Variants in PPFIA3 observed in about 807,000 individuals in gnomAD.
The protein encoded by PPFIA3 is liprin-alpha-3.
A neutral mutation model predicts 145.8 loss-of-function variants in PPFIA3; 26 were observed. That is an observed-to-expected ratio of 0.18 (90% CI 0.13 to 0.25). The LOEUF (loss-of-function observed/expected upper bound fraction) is 0.25. Among genes scored for constraint, PPFIA3 ranks in the 10% least tolerant of loss-of-function variants. PPFIA3 has a pLI of 1.00. For missense variants in PPFIA3, 1,008 were observed against 1,587.8 expected (o/e 0.63, Z 6.21); for synonymous variants, 645 against 661.4 (o/e 0.98, Z 0.38).
chr19:49,143,989 A>G (rs2041253571), intron 21 of PPFIA3, among the ~76,000 whole-genome samples: 1 of 151,132 alleles, frequency 6.6e-6, no homozygotes. Flanking sequence ...AATTTTATAC[A>G]ATATTTTATT....
At chr19:49,150,036 G>A in intron 28 of PPFIA3, 44 bp from the exon 29 acceptor site, 2 of 1,577,842 alleles carry the variant, frequency 1.3e-6, no homozygotes, top group Non-Finnish European at 1.7e-6. Context: ...GAGGAACAGG[G>A]AGGAGGGTGC....
rs902233864 is a variant in PPFIA3 at position 49,130,839 on chromosome 19, T to C, written c.879+240T>C. On this transcript the variant is annotated intron_variant, in intron 7 of 29. Coordinates refer to ENST00000334186, the MANE Select transcript of PPFIA3 (RefSeq NM_003660.4). This position sits in a 1 kb window ranked among gnomAD's most constrained non-coding sequence, Gnocchi z 4.5. ...ATTACTTTGTTACCTAACTTTGGGT[T>C]CTTCTCTGGTGCCTCTAAATGGATT... Among the ~76,000 whole-genome samples the C allele has an allele frequency of 2.6e-5, 4 of 152,134 alleles. No homozygotes were observed. The highest frequency in any genetic ancestry group is 2.0e-4 in the Admixed American group (3 of 15,260).
At chr19:49,140,603 G>C (rs1276477213) in intron 18 of PPFIA3, among the ~76,000 whole-genome samples, 1 of 147,052 alleles carries the variant, frequency 6.8e-6, no homozygotes, top group Non-Finnish European at 1.5e-5. Flanking sequence ...CACCCACCTC[G>C]GCCTCCCAAA....
At position 49,124,007 on chromosome 19, in the gene PPFIA3, T is replaced by C. The variant is rs541822319; in HGVS notation, c.-15-3852T>C. ...GAACAGCCCCCCTCCTTTGCCAGCC[T>C]CAGTCTTTATTCCAGGAAATGCTCA... is the stretch of plus-strand genomic sequence containing the variant. On this transcript the variant is annotated intron_variant, in intron 1 of 29. Coordinates refer to ENST00000334186, the MANE Select transcript of PPFIA3 (RefSeq NM_003660.4). 6.6e-5 allele frequency among the ~76,000 whole-genome samples: 10 copies of C among 152,208 alleles called. No homozygotes were observed. In the South Asian group the frequency reaches 1.9e-3, roughly 28 times the overall value.
At chr19:49,143,058 G>T (rs1034896049) in intron 21 of PPFIA3, 54 bp downstream of exon 21, 11 of 1,571,322 alleles carry the variant, frequency 7.0e-6, no homozygotes, top group East Asian at 6.8e-5. Flanking sequence ...CCCGCCTCTT[G>T]CCCTCAGTCT....
intron 13 of PPFIA3, 117 bp downstream of exon 13, chr19:49,135,032 G>GTT (rs34021245): frequency 5.4e-5 from 36 of 663,120 alleles, no homozygotes; most frequent in Non-Finnish European, 6.8e-5. Context: ...CTCTGTTTTT[G>GTT]TTTTTTGTTT....
intron 18 of PPFIA3, 47 bp downstream of exon 18, chr19:49,140,135 T>TCCTCCCTC (rs1291076092): frequency 2.5e-6 from 4 of 1,586,012 alleles, no homozygotes; most frequent in Non-Finnish European, 3.5e-6. Flanking sequence ...CTTCCTCCCT[T>TCCTCCCTC]CCTCCCTCCC....
At chr19:49,150,045 G>A in intron 28 of PPFIA3, 35 bp from the exon 29 acceptor site, 2 of 1,589,732 alleles carry the variant, frequency 1.3e-6, no homozygotes, top group Non-Finnish European at 1.7e-6. Flanking sequence ...GGAGGAGGGT[G>A]CTCCAGGCTG....
intron 11 of PPFIA3, 117 bp downstream of exon 11, chr19:49,134,282 C>A: frequency 7.3e-7 from 1 of 1,375,744 alleles, no homozygotes; most frequent in Non-Finnish European, 9.8e-7. Flanking sequence ...TAAACCCCGG[C>A]ATCCTGAGTT....
rs2041120615 is a variant in PPFIA3, at chr19:49,135,002, C to T, written c.1520+87C>T. 3.5e-6 allele frequency: 4 copies of T among 1,146,558 alleles called. No individual in the cohort carries two copies. The South Asian group carries it at 5.0e-5, about 14-fold the overall frequency. 71.0% of individuals were successfully genotyped at this position (1,146,558 alleles called of 1,614,324 possible). ...CTCCCTTCTGATCCCCACTTCCTGT[C>T]CTCCTGAGACTTCTGACCCCTCTGT... is the stretch of plus-strand genomic sequence containing the variant. On this transcript the variant is annotated intron_variant, in intron 13 of 29. Coordinates refer to ENST00000334186, the MANE Select transcript of PPFIA3 (RefSeq NM_003660.4).
At chr19:49,146,569 TGTG>T (rs2041283319) in intron 23 of PPFIA3, among the ~76,000 whole-genome samples, 1 of 152,096 alleles carries the variant, frequency 6.6e-6, no homozygotes, top group South Asian at 2.1e-4. Context: ...ACACACTGGC[TGTG>T]GTGGTGGTGA....
intron 24 of PPFIA3, 26 bp from the exon 25 acceptor site, chr19:49,148,640 G>A (rs763974778): frequency 5.1e-6 from 8 of 1,574,718 alleles, no homozygotes; most frequent in Admixed American, 5.1e-5. Context: ...AAGCTCATCC[G>A]TGACTCCACT....
At chr19:49,135,035 T>TTTTG (rs4002361) in intron 13 of PPFIA3, 120 bp downstream of exon 13, 171,903 of 688,750 alleles carry the variant, frequency 0.25, 32,305 homozygotes, top group African/African-American at 0.82. Flanking sequence ...TGTTTTTGTT[T>TTTTG]TTTGTTTGTT....
intron 4 of PPFIA3, 76 bp downstream of exon 4, chr19:49,129,088 C>G: frequency 6.9e-7 from 1 of 1,446,270 alleles, no homozygotes; most frequent in South Asian, 1.4e-5. Context: ...GGGAGAGATT[C>G]TGGCCGTGAT....
chr19:49,128,222 T>C lies in PPFIA3; in HGVS notation c.240+109T>C. On this transcript the variant is annotated intron_variant, in intron 2 of 29. Transcript: ENST00000334186. This position sits in a 1 kb window ranked among gnomAD's most constrained non-coding sequence, Gnocchi z 4.1. ...TGGAAGGGAGGAGTCTGGGCGAGGC[T>C]TGCCGTTAATGGGCGGGGCCTGAGT... 6.7e-7 allele frequency: 1 copy of C among 1,481,994 alleles called. No homozygotes were observed. The highest frequency in any genetic ancestry group is 9.1e-7 in the Non-Finnish European group (1 of 1,098,370). The allele number at this position is 1,481,994 out of a possible 1,614,324, so 91.8% of individuals were successfully genotyped here.
chr19:49,133,166 G>A lies in PPFIA3; in HGVS notation c.1026+19G>A. 4 of 1,585,374 alleles carry A rather than the reference G, an allele frequency of 2.5e-6. No individual in the cohort carries two copies. Among genetic ancestry groups the A allele is most frequent in the Non-Finnish European group, 3.4e-6 (4 of 1,164,660 alleles). On this transcript the variant is annotated intron_variant, in intron 8 of 29. Transcript: ENST00000334186. This position sits in a 1 kb window ranked among gnomAD's most constrained non-coding sequence, Gnocchi z 7.2. ...TCGGCAGGTGGGGGCGCGGCCGGGA[G>A]GGGCGATGGGGGCGGTGCCGGGGCC...
intron 21 of PPFIA3, 88 bp from the exon 22 acceptor site, chr19:49,145,855 T>G (rs2032183729): frequency 8.6e-7 from 1 of 1,164,780 alleles, no homozygotes; most frequent in African/African-American, 1.5e-5. Context: ...CATAAACGTG[T>G]GGCCCAGGGC....
chr19:49,124,795 G>A (rs757783896), intron 1 of PPFIA3, among the ~76,000 whole-genome samples: 58 of 152,088 alleles, frequency 3.8e-4, no homozygotes, highest in Non-Finnish European at 2.6e-4. Context: ...GCTGGGCGCG[G>A]TGGCTCATGC....
chr19:49,145,658 A>G, intron 21 of PPFIA3: 1 of 467,444 alleles, frequency 2.1e-6, no homozygotes, highest in Non-Finnish European at 3.9e-6. Context: ...CTCATTCTGT[A>G]CCTCTGTGTG....
Sources: gnomAD v4.1 joint callset for allele counts (sites outside exome capture counted in the v4.1 genomes callset) on GRCh38, gnomAD v4.1.1 for gene constraint, Gnocchi (gnomAD v3.1) non-coding constraint, MANE v1.5 for transcripts, NCBI Gene and HGNC (gene_info 2026-07-23, HGNC 2026-07-21) for gene names.